ESYT2: variants seen among roughly 807,000 people sequenced by gnomAD.
The protein encoded by ESYT2 is extended synaptotagmin-2.
A neutral mutation model predicts 107.2 loss-of-function variants in ESYT2; 54 were observed. The ratio of observed to expected loss-of-function variants is 0.50; its 90% confidence interval spans 0.40 to 0.63. ESYT2 has a LOEUF of 0.63. Ranked by LOEUF, ESYT2 falls within the 30% of genes least tolerant of loss-of-function variation. ESYT2 has a pLI of 0.00. For missense variants in ESYT2, 1,020 were observed against 1,094.5 expected (o/e 0.93, Z 0.96); for synonymous variants, 491 against 434.1 (o/e 1.13, Z -1.63).
At chr7:158,751,575 T>G (rs1405580925) in intron 14 of ESYT2, among the ~76,000 whole-genome samples, 1 of 152,186 alleles carries the variant, frequency 6.6e-6, no homozygotes, top group African/African-American at 2.4e-5. Context: ...TGGGCATTTT[T>G]GGAAACTAGG....
intron 1 of ESYT2, among the ~76,000 whole-genome samples, chr7:158,826,632 CCAA>C (rs1444426477): frequency 4.2e-4 from 63 of 151,122 alleles, no homozygotes; most frequent in African/African-American, 1.4e-3. Context: ...ACCATCCTGG[CCAA>C]CATGGTGAAA....
intron 1 of ESYT2, among the ~76,000 whole-genome samples, chr7:158,826,170 T>C (rs551831250): frequency 6.6e-6 from 1 of 152,326 alleles, no homozygotes; most frequent in African/African-American, 2.4e-5. Context: ...TTCGAGACCA[T>C]GCAACCTGCT....
At chr7:158,817,248 C>A (rs919073900) in intron 1 of ESYT2, among the ~76,000 whole-genome samples, 3 of 152,234 alleles carry the variant, frequency 2.0e-5, no homozygotes, top group African/African-American at 7.2e-5. Context: ...GACAGAAGAA[C>A]TGACAGACTC....
intron 6 of ESYT2, among the ~76,000 whole-genome samples, chr7:158,780,054 G>A (rs1298584739): frequency 6.6e-6 from 1 of 152,198 alleles, no homozygotes; most frequent in East Asian, 1.9e-4. Flanking sequence ...ACCTACGAAA[G>A]AGACCATTCA....
chr7:158,811,920 C>A (rs1024810703), intron 1 of ESYT2, among the ~76,000 whole-genome samples: 1 of 152,230 alleles, frequency 6.6e-6, no homozygotes, highest in Non-Finnish European at 1.5e-5. Context: ...CTACCCAGGG[C>A]AAGAGGCTAG....
At chr7:158,779,875 G>C (rs545832375) in intron 6 of ESYT2, among the ~76,000 whole-genome samples, 1 of 152,310 alleles carries the variant, frequency 6.6e-6, no homozygotes, top group East Asian at 1.9e-4. Flanking sequence ...GGGGTTCTTG[G>C]CCCTGGGGTG....
At chr7:158,792,740 T>C (rs1378812802) in intron 4 of ESYT2, among the ~76,000 whole-genome samples, 1 of 151,376 alleles carries the variant, frequency 6.6e-6, no homozygotes, top group Non-Finnish European at 1.5e-5. Flanking sequence ...GCTTTCAGTT[T>C]TTAACCACTG....
At chr7:158,820,679 G>C (rs1373909443) in intron 1 of ESYT2, among the ~76,000 whole-genome samples, 1 of 152,186 alleles carries the variant, frequency 6.6e-6, no homozygotes, top group African/African-American at 2.4e-5. Flanking sequence ...CAAGCTACTG[G>C]GGAGGCTGAG....
At chr7:158,758,871 A>C (rs139482983) in intron 13 of ESYT2, among the ~76,000 whole-genome samples, 1 of 152,332 alleles carries the variant, frequency 6.6e-6, no homozygotes, top group East Asian at 1.9e-4. Context: ...CTATAAAACA[A>C]CATTTTACAT....
intron 21 of ESYT2, among the ~76,000 whole-genome samples, chr7:158,734,862 A>G (rs1456908994): frequency 6.6e-6 from 1 of 152,160 alleles, no homozygotes; most frequent in Non-Finnish European, 1.5e-5. Flanking sequence ...CATCTCTCTA[A>G]TCTTCTGTCT....
rs145902305 is a variant in ESYT2 at position 158,783,269 on chromosome 7, C to G, written c.747+4735G>C. On this transcript the variant is annotated intron_variant, in intron 6 of 22. Coordinates refer to ENST00000275418, the MANE Select transcript of ESYT2 (RefSeq NM_001367773.1). ...GTGTTTCATGAAGCGCACAGATGCCCCTCTTCTCTCTACGTTCCCTAATCC... is the reference window on the plus strand; with the variant it reads ...GTGTTTCATGAAGCGCACAGATGCCGCTCTTCTCTCTACGTTCCCTAATCC... Among the ~76,000 whole-genome samples the G allele has an allele frequency of 2.4e-3, 367 of 152,246 alleles. 3 individuals are homozygous for G. The highest frequency in any genetic ancestry group is 8.4e-3 in the African/African-American group (348 of 41,548).
intron 1 of ESYT2, among the ~76,000 whole-genome samples, chr7:158,811,002 A>C (rs3928230): frequency 6.6e-6 from 1 of 151,806 alleles, no homozygotes; most frequent in Non-Finnish European, 1.5e-5. Context: ...GCTGTTAAAA[A>C]AAACAAAAGG....
intron 1 of ESYT2, among the ~76,000 whole-genome samples, chr7:158,799,856 A>C (rs1487714793): frequency 6.6e-6 from 1 of 152,034 alleles, no homozygotes; most frequent in Non-Finnish European, 1.5e-5. Flanking sequence ...AGGGCCAGGC[A>C]TGGTGGCTCA....
chr7:158,761,253 G>A (rs1054784329), intron 11 of ESYT2, among the ~76,000 whole-genome samples: 1 of 152,194 alleles, frequency 6.6e-6, no homozygotes, highest in Non-Finnish European at 1.5e-5. Flanking sequence ...CTTCATATCC[G>A]TAAGGATTCC....
At chr7:158,734,365 G>A (rs1836843921) in intron 22 of ESYT2, 57 bp downstream of exon 22, 11 of 1,611,028 alleles carry the variant, frequency 6.8e-6, no homozygotes, top group Non-Finnish European at 7.6e-6. Context: ...CCCACTGGGC[G>A]GGGAAAGCGT....
chr7:158,815,072 TAAATG>T (rs1840112082), intron 1 of ESYT2, among the ~76,000 whole-genome samples: 1 of 152,338 alleles, frequency 6.6e-6, no homozygotes, highest in East Asian at 1.9e-4. Context: ...CTGTGAGGTT[TAAATG>T]ACTTCCATGT....
chr7:158,815,528 T>C (rs1451041600), intron 1 of ESYT2, among the ~76,000 whole-genome samples: 1 of 152,122 alleles, frequency 6.6e-6, no homozygotes, highest in East Asian at 1.9e-4. Context: ...CCCTGCCAAA[T>C]GTATCTTGCT....
At chr7:158,827,401 G>A (rs1010455792) in intron 1 of ESYT2, 25 of 151,954 alleles carry the variant, frequency 1.6e-4, no homozygotes, top group African/African-American at 5.6e-4. Flanking sequence ...GACACAAAAC[G>A]TCACTTTAAA....
intron 11 of ESYT2, 94 bp downstream of exon 11, chr7:158,761,400 CTG>C: frequency 2.0e-6 from 2 of 1,009,362 alleles, no homozygotes; most frequent in Non-Finnish European, 3.1e-6. Flanking sequence ...GATTCCGGCA[CTG>C]TGTGATGGTG....
Sources: gnomAD v4.1 joint callset for allele counts (sites outside exome capture counted in the v4.1 genomes callset) on GRCh38, gnomAD v4.1.1 for gene constraint, MANE v1.5 for transcripts, NCBI Gene and HGNC (gene_info 2026-07-23, HGNC 2026-07-21) for gene names.